The following SLC6A11 variants were observed in gnomAD, a reference collection of about 807,000 sequenced individuals.
The protein encoded by SLC6A11 is sodium- and chloride-dependent GABA transporter 3.
In SLC6A11, 25 loss-of-function variants were observed where a neutral mutation model predicts 74.8. The observed-to-expected ratio is 0.33, with a 90% confidence interval of 0.24 to 0.47. SLC6A11 has a LOEUF of 0.47. Among genes scored for constraint, SLC6A11 ranks in the 20% least tolerant of loss-of-function variants. SLC6A11 has a pLI of 1.00. For synonymous variants in SLC6A11, 330 were observed against 330.2 expected (o/e 1.00, Z 0.01); for missense variants, 574 against 837.0 (o/e 0.69, Z 3.88).
At chr3:10,829,695 C>T (rs1454254529) in intron 4 of SLC6A11, among the ~76,000 whole-genome samples, 1 of 152,174 alleles carries the variant, frequency 6.6e-6, no homozygotes, top group African/African-American at 2.4e-5. Context: ...GGTAAACGTA[C>T]CCACCCCTTA....
chr3:10,907,579 T>A (rs971285837), intron 6 of SLC6A11, among the ~76,000 whole-genome samples: 1 of 152,206 alleles, frequency 6.6e-6, no homozygotes, highest in Non-Finnish European at 1.5e-5. Context: ...TTAGTCACTG[T>A]TGGACTTTAA....
chr3:10,935,700 C>T (rs1197052389), intron 13 of SLC6A11, among the ~76,000 whole-genome samples: 1 of 152,198 alleles, frequency 6.6e-6, no homozygotes, highest in Non-Finnish European at 1.5e-5. Flanking sequence ...GGTCACTTGC[C>T]TGAGGTCACA....
intron 10 of SLC6A11, among the ~76,000 whole-genome samples, chr3:10,930,171 A>G (rs1182342697): frequency 6.6e-6 from 1 of 152,192 alleles, no homozygotes; most frequent in Admixed American, 6.5e-5. Context: ...GCATCTACTC[A>G]TCCCCCCACT....
rs1039976253 is a variant in SLC6A11 at position 10,915,317 on chromosome 3, C to G, written c.996-3012C>G. On this transcript the variant is annotated intron_variant, in intron 7 of 13. Coordinates refer to ENST00000254488, the MANE Select transcript of SLC6A11 (RefSeq NM_014229.3). The surrounding 1 kb of genome is among the most constrained non-coding windows in gnomAD (Gnocchi z 4.3). ...CAGCCATGGGTCCCTTCTGCTTCCC[C>G]CTCCAGCAGGCAGGTTTTATTCCAT... is the stretch of plus-strand genomic sequence containing the variant. 2.6e-5 allele frequency among the ~76,000 whole-genome samples: 4 copies of G among 152,180 alleles called. No homozygotes were observed. Among genetic ancestry groups the G allele is most frequent in the East Asian group, 1.9e-4 (1 of 5,200 alleles).
intron 6 of SLC6A11, among the ~76,000 whole-genome samples, chr3:10,911,460 G>C (rs549517988): frequency 6.6e-6 from 1 of 152,140 alleles, no homozygotes; most frequent in African/African-American, 2.4e-5. Context: ...GTACCACATA[G>C]GAAGCCTAGA....
chr3:10,885,432 T>C (rs193178487), intron 6 of SLC6A11, among the ~76,000 whole-genome samples: 21 of 152,208 alleles, frequency 1.4e-4, no homozygotes, highest in African/African-American at 4.8e-4. Flanking sequence ...TCGTTCTGAC[T>C]CTAGAGCATG....
At chr3:10,935,379 G>A in intron 13 of SLC6A11, 180 bp downstream of exon 13, 1 of 596,836 alleles carries the variant, frequency 1.7e-6, no homozygotes, top group Non-Finnish European at 2.9e-6. Flanking sequence ...TCTCTGTGAA[G>A]TCTTTTGGCT....
intron 5 of SLC6A11, among the ~76,000 whole-genome samples, chr3:10,870,248 T>G (rs55759369): frequency 6.6e-4 from 101 of 152,272 alleles, no homozygotes; most frequent in Admixed American, 2.0e-3. Flanking sequence ...TCCCAGGAGT[T>G]TCATTCCTAG....
At chr3:10,904,220 C>A (rs554569456) in intron 6 of SLC6A11, among the ~76,000 whole-genome samples, 1 of 152,218 alleles carries the variant, frequency 6.6e-6, no homozygotes, top group South Asian at 2.1e-4. Context: ...CTTCTCCCAG[C>A]AAATGTCATC....
chr3:10,853,502 A>T (rs1161930951), intron 5 of SLC6A11, among the ~76,000 whole-genome samples: 1 of 152,132 alleles, frequency 6.6e-6, no homozygotes, highest in Non-Finnish European at 1.5e-5. Flanking sequence ...GTCAGTTGGC[A>T]TCCAAGCAGC....
intron 8 of SLC6A11, among the ~76,000 whole-genome samples, chr3:10,922,713 T>A (rs1031849731): frequency 9.2e-5 from 14 of 152,154 alleles, no homozygotes; most frequent in African/African-American, 3.4e-4. Flanking sequence ...AACAATGATT[T>A]TTTTGTGGTG....
chr3:10,884,016 A>G (rs771993857), intron 6 of SLC6A11, among the ~76,000 whole-genome samples: 11 of 152,178 alleles, frequency 7.2e-5, no homozygotes, highest in Admixed American at 2.0e-4. Flanking sequence ...CTTGACACAG[A>G]CACATGATTA....
At chr3:10,841,092 A>G (rs999422008) in intron 4 of SLC6A11, among the ~76,000 whole-genome samples, 1 of 152,176 alleles carries the variant, frequency 6.6e-6, no homozygotes, top group African/African-American at 2.4e-5. Flanking sequence ...AATCTGCTTT[A>G]GGGCCTGGCA....
chr3:10,877,940 C>A (rs1411219444), intron 6 of SLC6A11, among the ~76,000 whole-genome samples: 5 of 152,144 alleles, frequency 3.3e-5, no homozygotes, highest in African/African-American at 1.2e-4. Flanking sequence ...CCACCTGACC[C>A]CCGACTCCGT....
At chr3:10,819,628 AT>A (rs1463186507) in intron 2 of SLC6A11, 29 bp downstream of exon 2, 6 of 1,609,606 alleles carry the variant, frequency 3.7e-6, no homozygotes, top group Non-Finnish European at 5.1e-6. Flanking sequence ...AGAAAATAAA[AT>A]TTTGCCCAGG....
chr3:10,908,164 G>A (rs141606522), intron 6 of SLC6A11, among the ~76,000 whole-genome samples: 33 of 152,276 alleles, frequency 2.2e-4, no homozygotes, highest in African/African-American at 7.7e-4. Context: ...TTATGTGATG[G>A]TTGTATGTTC....
intron 8 of SLC6A11, among the ~76,000 whole-genome samples, chr3:10,922,771 A>G (rs1330003741): frequency 3.9e-5 from 6 of 152,308 alleles, no homozygotes; most frequent in African/African-American, 1.4e-4. Flanking sequence ...TAACTGTACT[A>G]CAAATGAAAA....
chr3:10,848,410 G>T lies in SLC6A11; in HGVS notation c.756+4064G>T, dbSNP rs535940408. On this transcript the variant is annotated intron_variant, in intron 5 of 13. Transcript: ENST00000254488. ...TGTTCTTCTCCACAAACCCCCTTGGGCACCTCCCAGTATGCCTCACAACCT... is the reference window on the plus strand; with the variant it reads ...TGTTCTTCTCCACAAACCCCCTTGGTCACCTCCCAGTATGCCTCACAACCT... Among the ~76,000 whole-genome samples the T allele has an allele frequency of 2.6e-5, 4 of 152,282 alleles. No individual in the cohort carries two copies. In the South Asian group the frequency reaches 8.3e-4, roughly 32 times the overall value.
At chr3:10,925,237 T>G (rs2106633194) in intron 8 of SLC6A11, among the ~76,000 whole-genome samples, 1 of 152,374 alleles carries the variant, frequency 6.6e-6, no homozygotes, top group South Asian at 2.1e-4. Context: ...TCATCAGATT[T>G]CATGTCTATT....
Sources: gnomAD v4.1 joint callset for allele counts (sites outside exome capture counted in the v4.1 genomes callset) on GRCh38, gnomAD v4.1.1 for gene constraint, Gnocchi (gnomAD v3.1) non-coding constraint, MANE v1.5 for transcripts, NCBI Gene and HGNC (gene_info 2026-07-23, HGNC 2026-07-21) for gene names.